Variants in ARHGAP32 observed in about 807,000 individuals in gnomAD.
ARHGAP32 encodes the protein Rho GTPase activating protein 32.
A neutral mutation model predicts 186.5 loss-of-function variants in ARHGAP32; 51 were observed. The observed-to-expected ratio is 0.27, with a 90% CI of 0.22 to 0.35. ARHGAP32 has a LOEUF of 0.35. Among genes scored for constraint, ARHGAP32 ranks in the 10% least tolerant of loss-of-function variants. The pLI is 1.00. For synonymous variants in ARHGAP32, 950 were observed against 964.3 expected, an observed-to-expected ratio of 0.99 and a Z score of 0.27; for missense variants, 2,186 against 2,623.5, an observed-to-expected ratio of 0.83 and a Z score of 3.64.
At chr11:129,231,130 TCTCAAA>T (rs1477454172) in intron 1 of ARHGAP32, among the ~76,000 whole-genome samples, 4 of 152,168 alleles carry the variant, frequency 2.6e-5, no homozygotes, top group Non-Finnish European at 5.9e-5. Context: ...TAAGACGCCA[TCTCAAA>T]AAGTAGAAAA....
At chr11:129,100,624 G>A (rs570551704) in intron 5 of ARHGAP32, among the ~76,000 whole-genome samples, 18 of 152,212 alleles carry the variant, frequency 1.2e-4, no homozygotes, top group South Asian at 8.3e-4. Context: ...CACTGTAGAC[G>A]GAGCCTTGGT....
chr11:129,012,403 C>T (rs1292017599), intron 11 of ARHGAP32, among the ~76,000 whole-genome samples: 2 of 152,148 alleles, frequency 1.3e-5, no homozygotes, highest in South Asian at 2.1e-4. Flanking sequence ...AAGCTCTATC[C>T]ACTTTAAAAG....
intron 11 of ARHGAP32, chr11:129,024,298 A>T (rs1438504825): frequency 1.2e-5 from 3 of 259,936 alleles, no homozygotes; most frequent in Admixed American, 1.3e-4. Context: ...TCCTGCTCAG[A>T]AAACACCAGT....
chr11:129,259,496 A>C (rs1002828938), intron 1 of ARHGAP32, among the ~76,000 whole-genome samples: 2 of 152,042 alleles, frequency 1.3e-5, no homozygotes, highest in South Asian at 2.1e-4. Context: ...TTTCCTGTAC[A>C]TTTATTACTT....
At position 128,978,824 on chromosome 11, in the gene ARHGAP32, T is replaced by G; in HGVS notation, c.2068A>C (p.Lys690Gln). 6.2e-7 allele frequency: 1 copy of G among 1,613,382 alleles called. No homozygotes were observed. The highest frequency in any genetic ancestry group is 8.5e-7 in the Non-Finnish European group (1 of 1,179,696). The stretch of plus-strand genomic sequence containing the variant: ...GGCTCACTCTCATTCCGCTGCAGCT[T>G]TCGTTTAGAAACAGATGATGATTTC... Reference protein sequence around the residue: ...LGKSSSVSKRKLQRNESEPSE... With the variant: ...LGKSSSVSKRQLQRNESEPSE... The change falls in exon 19 of 23, where the codon AAG becomes CAG. Residue 690 changes from lysine to glutamine, a missense_variant. By Grantham distance (53) the Lys-to-Gln change is moderately conservative. Coordinates refer to ENST00000682385, the MANE Select transcript of ARHGAP32 (RefSeq NM_001378024.1).
intron 1 of ARHGAP32, among the ~76,000 whole-genome samples, chr11:129,206,659 G>T (rs185301933): frequency 6.6e-6 from 1 of 151,788 alleles, no homozygotes; most frequent in Admixed American, 6.6e-5. Flanking sequence ...AAACAGGTTC[G>T]GTATATTCTC....
chr11:129,149,317 C>T (rs939399713), intron 2 of ARHGAP32, among the ~76,000 whole-genome samples: 1 of 152,186 alleles, frequency 6.6e-6, no homozygotes, highest in African/African-American at 2.4e-5. Context: ...AACTTTACTG[C>T]TAGCATAACC....
At chr11:129,272,438 A>C (rs555517389) in intron 1 of ARHGAP32, among the ~76,000 whole-genome samples, 2 of 152,202 alleles carry the variant, frequency 1.3e-5, no homozygotes, top group African/African-American at 2.4e-5. Context: ...GAGAAAATAG[A>C]AAACGATTAG....
chr11:129,015,661 T>A (rs1330196054), intron 11 of ARHGAP32, among the ~76,000 whole-genome samples: 1 of 152,214 alleles, frequency 6.6e-6, no homozygotes, highest in Non-Finnish European at 1.5e-5. Flanking sequence ...TGCATGTTTT[T>A]CAAATTCAGA....
chr11:129,006,256 T>C (rs1033035779), intron 11 of ARHGAP32, among the ~76,000 whole-genome samples: 6 of 152,194 alleles, frequency 3.9e-5, no homozygotes, highest in Admixed American at 2.0e-4. Flanking sequence ...GGGGTCACGT[T>C]TTCCTGGATG....
intron 1 of ARHGAP32, among the ~76,000 whole-genome samples, chr11:129,178,419 C>A (rs911453069): frequency 3.7e-4 from 56 of 151,882 alleles, no homozygotes; most frequent in South Asian, 1.0e-3. Flanking sequence ...CAATGACTTT[C>A]TTCACAGAAT....
intron 1 of ARHGAP32, among the ~76,000 whole-genome samples, chr11:129,202,051 T>C (rs11221601): frequency 5.9e-5 from 9 of 151,928 alleles, no homozygotes; most frequent in Non-Finnish European, 1.3e-4. Flanking sequence ...TATACACACA[T>C]ATACATATAT....
chr11:129,213,846 G>A (rs1276681985), intron 1 of ARHGAP32, among the ~76,000 whole-genome samples: 1 of 148,024 alleles, frequency 6.8e-6, no homozygotes, highest in African/African-American at 2.5e-5. Flanking sequence ...GGAAGAGACA[G>A]GAAAGGAGAA....
chr11:129,014,468 C>A (rs563279442), intron 11 of ARHGAP32, among the ~76,000 whole-genome samples: 1 of 152,226 alleles, frequency 6.6e-6, no homozygotes, highest in South Asian at 2.1e-4. Flanking sequence ...CAGAAATGTT[C>A]TAGACTGACT....
At chr11:129,156,114 C>T (rs1943398606) in intron 2 of ARHGAP32, among the ~76,000 whole-genome samples, 1 of 152,230 alleles carries the variant, frequency 6.6e-6, no homozygotes, top group Non-Finnish European at 1.5e-5. Context: ...GAGATTCCCT[C>T]AGGTGATTAC....
At chr11:129,245,505 C>T (rs1440751505) in intron 1 of ARHGAP32, among the ~76,000 whole-genome samples, 18 of 149,706 alleles carry the variant, frequency 1.2e-4, no homozygotes, top group East Asian at 3.9e-4. Flanking sequence ...TGCTAGATGA[C>T]GAGTTAGTGG....
chr11:129,150,263 A>G (rs1943260872), intron 2 of ARHGAP32, among the ~76,000 whole-genome samples: 1 of 152,118 alleles, frequency 6.6e-6, no homozygotes, highest in South Asian at 2.1e-4. Context: ...TAATTGAGGA[A>G]AACTTCCTTG....
intron 1 of ARHGAP32, among the ~76,000 whole-genome samples, chr11:129,178,774 C>G (rs1301634728): frequency 2.6e-5 from 4 of 151,574 alleles, no homozygotes; most frequent in Admixed American, 2.6e-4. Flanking sequence ...CTTCCTTACA[C>G]CTGATACAAA....
intron 1 of ARHGAP32, among the ~76,000 whole-genome samples, chr11:129,200,525 T>C (rs1944444891): frequency 6.6e-6 from 1 of 152,192 alleles, no homozygotes; most frequent in Non-Finnish European, 1.5e-5. Context: ...ACATAAGACA[T>C]GCCTTTCATC....
Sources: allele counts gnomAD v4.1 joint callset (sites outside exome capture counted in the v4.1 genomes callset), GRCh38; gene constraint gnomAD v4.1.1; transcripts MANE v1.5; gene names NCBI Gene and HGNC (gene_info 2026-07-23, HGNC 2026-07-21).